Variants in NSUN6 observed in about 807,000 individuals in gnomAD.
The protein encoded by NSUN6 is NOP2/Sun RNA methyltransferase 6, also known as tRNA (cytosine(72)-C(5))-methyltransferase NSUN6.
In NSUN6, 64 loss-of-function variants were observed where a neutral mutation model predicts 58.0. The ratio of observed to expected loss-of-function variants is 1.10; its 90% confidence interval spans 0.90 to 1.36. The LOEUF (loss-of-function observed/expected upper bound fraction) is 1.36, where lower values mean the gene tolerates loss of function less well. NSUN6 is among the 40% of genes most tolerant of loss of function. The pLI, the probability that NSUN6 is intolerant of heterozygous loss-of-function variation, is 0.00. For synonymous variants in NSUN6, 231 were observed against 193.9 expected, an observed-to-expected ratio of 1.19 and a Z score of -1.59; for missense variants, 701 against 550.1, an observed-to-expected ratio of 1.27 and a Z score of -2.74.
intron 7 of NSUN6, among the ~76,000 whole-genome samples, chr10:18,593,308 A>C (rs954726650): frequency 6.6e-6 from 1 of 152,216 alleles, no homozygotes; most frequent in African/African-American, 2.4e-5. Context: ...GCGATTCCTC[A>C]AGGATCTAGA....
At chr10:18,640,265 A>T (rs1218978284) in intron 3 of NSUN6, among the ~76,000 whole-genome samples, 1 of 152,198 alleles carries the variant, frequency 6.6e-6, no homozygotes, top group South Asian at 2.1e-4. Context: ...TCTATAAAAA[A>T]TCAAATTTGA....
intron 6 of NSUN6, among the ~76,000 whole-genome samples, chr10:18,604,947 G>A (rs1253039455): frequency 8.0e-5 from 12 of 149,934 alleles, no homozygotes; most frequent in Non-Finnish European, 1.5e-4. Context: ...GTGCAGTGGC[G>A]TGATCTCGGC....
At chr10:18,652,607 C>T (rs547058509), upstream of NSUN6, 3 of 954,762 alleles carry the variant, frequency 3.1e-6, no homozygotes, top group East Asian at 3.5e-4. Flanking sequence ...GTCGCCCAGA[C>T]TGGAGTGGAA....
intron 8 of NSUN6, among the ~76,000 whole-genome samples, chr10:18,584,744 T>G (rs987547384): frequency 6.6e-6 from 1 of 151,822 alleles, no homozygotes; most frequent in Non-Finnish European, 1.5e-5. Context: ...CGTAAAAATG[T>G]TGAAAGTCAA....
At chr10:18,602,563 T>G (rs1249626695) in intron 6 of NSUN6, among the ~76,000 whole-genome samples, 1 of 138,616 alleles carries the variant, frequency 7.2e-6, no homozygotes, top group Non-Finnish European at 1.6e-5. Context: ...AGAGATGGTG[T>G]TTCACCATGT....
intron 6 of NSUN6, among the ~76,000 whole-genome samples, chr10:18,604,870 A>G (rs1393921630): frequency 6.7e-6 from 1 of 149,756 alleles, no homozygotes; most frequent in Non-Finnish European, 1.5e-5. Context: ...TGGGTGACAG[A>G]GCAAGACTCT....
At chr10:18,604,044 T>C (rs992636032) in intron 6 of NSUN6, among the ~76,000 whole-genome samples, 3 of 152,048 alleles carry the variant, frequency 2.0e-5, no homozygotes, top group Non-Finnish European at 2.9e-5. Flanking sequence ...TAGCTGGGCA[T>C]AGTGGCGGGG....
intron 6 of NSUN6, among the ~76,000 whole-genome samples, chr10:18,602,344 T>C (rs1349017548): frequency 6.6e-6 from 1 of 151,062 alleles, no homozygotes; most frequent in Non-Finnish European, 1.5e-5. Flanking sequence ...CCCAGGTTCA[T>C]GCCATTCTCC....
chr10:18,599,431 A>G (rs1292586752), intron 6 of NSUN6, among the ~76,000 whole-genome samples: 3 of 152,122 alleles, frequency 2.0e-5, no homozygotes, highest in Non-Finnish European at 4.4e-5. Flanking sequence ...TTCCTTTATA[A>G]TATTCCTTTA....
intron 8 of NSUN6, among the ~76,000 whole-genome samples, chr10:18,564,065 C>T (rs1489756583): frequency 2.0e-5 from 3 of 151,494 alleles, no homozygotes; most frequent in South Asian, 2.1e-4. Flanking sequence ...TCATTCCATT[C>T]CATTCTTGAT....
At chr10:18,559,055 G>A (rs1177520258) in intron 8 of NSUN6, among the ~76,000 whole-genome samples, 1 of 150,292 alleles carries the variant, frequency 6.7e-6, no homozygotes, top group African/African-American at 2.4e-5. Flanking sequence ...TGGAATGGAG[G>A]ATGGTATGGA....
chr10:18,567,520 T>C (rs986956657), intron 8 of NSUN6, among the ~76,000 whole-genome samples: 1 of 151,112 alleles, frequency 6.6e-6, no homozygotes, highest in Non-Finnish European at 1.5e-5. Flanking sequence ...TATTCACCAC[T>C]GCATCCCATT....
chr10:18,617,644 A>C (rs960492879), intron 3 of NSUN6, among the ~76,000 whole-genome samples: 3 of 151,986 alleles, frequency 2.0e-5, no homozygotes, highest in African/African-American at 7.3e-5. Flanking sequence ...CCTGTTTCCA[A>C]TCTTGAATGA....
chr10:18,626,101 C>T (rs912011563), intron 3 of NSUN6, among the ~76,000 whole-genome samples: 1 of 152,036 alleles, frequency 6.6e-6, no homozygotes, highest in Non-Finnish European at 1.5e-5. Context: ...TGCTAAGTGA[C>T]TGTACTCACC....
chr10:18,595,025 T>A (rs1034714809), intron 7 of NSUN6, among the ~76,000 whole-genome samples: 5 of 152,198 alleles, frequency 3.3e-5, no homozygotes, highest in African/African-American at 1.2e-4. Context: ...CTGGTCCCAA[T>A]CAGGGGAGAA....
chr10:18,620,235 C>T (rs1278996532), intron 3 of NSUN6, among the ~76,000 whole-genome samples: 1 of 151,962 alleles, frequency 6.6e-6, no homozygotes, highest in Non-Finnish European at 1.5e-5. Flanking sequence ...CTACAGGCAC[C>T]CGCCACCATA....
chr10:18,605,609 G>A (rs2058021211), intron 6 of NSUN6, among the ~76,000 whole-genome samples: 1 of 152,198 alleles, frequency 6.6e-6, no homozygotes, highest in African/African-American at 2.4e-5. Flanking sequence ...TATATGTGTT[G>A]TGGTGAAATC....
intron 8 of NSUN6, among the ~76,000 whole-genome samples, chr10:18,566,176 ATT>A (rs2055921283): frequency 6.8e-6 from 1 of 147,222 alleles, no homozygotes; most frequent in South Asian, 2.1e-4. Flanking sequence ...TCTCCATTCC[ATT>A]CTATTCCATT....
intron 3 of NSUN6, among the ~76,000 whole-genome samples, chr10:18,618,682 CAA>C (rs35116933): frequency 9.7e-5 from 5 of 51,478 alleles, no homozygotes; most frequent in Non-Finnish European, 1.6e-4. Flanking sequence ...AACTCCATCT[CAA>C]AAAAAAAAAA....
Sources: gnomAD v4.1 joint callset for allele counts (sites outside exome capture counted in the v4.1 genomes callset) on GRCh38, gnomAD v4.1.1 for gene constraint, MANE v1.5 for transcripts, NCBI Gene and HGNC (gene_info 2026-07-23, HGNC 2026-07-21) for gene names.